The following PPP1R16B variants were observed in gnomAD, a reference collection of about 807,000 sequenced individuals.
PPP1R16B encodes the protein protein phosphatase 1 regulatory inhibitor subunit 16B.
A neutral mutation model predicts 61.7 loss-of-function variants in PPP1R16B; 14 were observed. That is an observed-to-expected ratio of 0.23 (90% CI 0.15 to 0.35). The LOEUF (loss-of-function observed/expected upper bound fraction) is 0.35, where lower values mean the gene tolerates loss of function less well. Among genes scored for constraint, PPP1R16B ranks in the 10% least tolerant of loss-of-function variants. PPP1R16B has a pLI of 1.00. For synonymous variants in PPP1R16B, 266 were observed against 305.3 expected, an observed-to-expected ratio of 0.87 and a Z score of 1.34; for missense variants, 547 against 752.5, an observed-to-expected ratio of 0.73 and a Z score of 3.19.
chr20:38,850,453 G>T (rs2084960856), intron 2 of PPP1R16B, among the ~76,000 whole-genome samples: 1 of 152,130 alleles, frequency 6.6e-6, no homozygotes. Flanking sequence ...TTCACCGGCA[G>T]TTTCTACTCC....
At chr20:38,885,144 A>T (rs987186884) in intron 2 of PPP1R16B, among the ~76,000 whole-genome samples, 1 of 151,750 alleles carries the variant, frequency 6.6e-6, no homozygotes, top group Non-Finnish European at 1.5e-5. Context: ...GCTTGAGGCC[A>T]AGAGTTTGAG....
intron 2 of PPP1R16B, among the ~76,000 whole-genome samples, chr20:38,871,903 AG>A (rs2145745459): frequency 6.6e-6 from 1 of 152,368 alleles, no homozygotes; most frequent in Non-Finnish European, 1.5e-5. Flanking sequence ...AAAGCAGGCA[AG>A]GAACAGGTGA....
chr20:38,867,798 G>A (rs1032466117), intron 2 of PPP1R16B, among the ~76,000 whole-genome samples: 11 of 151,888 alleles, frequency 7.2e-5, no homozygotes, highest in East Asian at 1.9e-4. Flanking sequence ...TCAGCCTCCC[G>A]AGTAGCTGGG....
intron 3 of PPP1R16B, among the ~76,000 whole-genome samples, chr20:38,894,247 TG>T (rs569626175): frequency 4.6e-5 from 7 of 151,816 alleles, no homozygotes; most frequent in Non-Finnish European, 1.0e-4. Context: ...GGGATAGGGG[TG>T]GGGCTGTGGT....
chr20:38,891,956 G>A (rs942195931), intron 3 of PPP1R16B, among the ~76,000 whole-genome samples: 2 of 151,878 alleles, frequency 1.3e-5, no homozygotes, highest in African/African-American at 2.4e-5. Context: ...CACAGCACTC[G>A]AAATGTGGCT....
intron 2 of PPP1R16B, among the ~76,000 whole-genome samples, chr20:38,858,374 C>CA (rs111371038): frequency 0.023 from 3,516 of 152,130 alleles, 135 homozygotes; most frequent in African/African-American, 0.081. Context: ...ACAAAGGCCT[C>CA]AAAAGCTCGA....
intron 2 of PPP1R16B, among the ~76,000 whole-genome samples, chr20:38,857,691 C>T (rs2085017569): frequency 6.6e-6 from 1 of 152,168 alleles, no homozygotes; most frequent in Non-Finnish European, 1.5e-5. Flanking sequence ...CTTAAAGCTC[C>T]ATTTTTGGCA....
chr20:38,846,450 T>C (rs967928010), intron 2 of PPP1R16B, among the ~76,000 whole-genome samples: 2 of 151,886 alleles, frequency 1.3e-5, no homozygotes, highest in Non-Finnish European at 2.9e-5. Flanking sequence ...ACTCAGAAGG[T>C]AGAAAGAAAA....
At chr20:38,895,095 G>A (rs1307812669) in intron 3 of PPP1R16B, among the ~76,000 whole-genome samples, 1 of 152,146 alleles carries the variant, frequency 6.6e-6, no homozygotes, top group Non-Finnish European at 1.5e-5. Context: ...CGCTTTGGAG[G>A]CCACTGCCAG....
rs558111123 is a variant in PPP1R16B at position 38,908,345 on chromosome 20, T to C, written c.1194+152T>C. On this transcript the variant is annotated intron_variant, in intron 10 of 10. Coordinates refer to ENST00000299824, the MANE Select transcript of PPP1R16B (RefSeq NM_015568.4). ...GCATATCCAGTCTGATGATGATGGC[T>C]ACTGTAGTTAAACCAGCAGATTCAG... 2.9e-5 allele frequency: 29 copies of C among 1,007,958 alleles called. No homozygotes were observed. The Middle Eastern group carries it at 1.3e-3, about 45-fold the overall frequency. The allele number at this position is 1,007,958 out of a possible 1,614,324, so 62.4% of individuals were successfully genotyped here.
Position 38,907,209 on chromosome 20 carries a change from G to A in PPP1R16B, c.898+155G>A, listed in dbSNP as rs546502187. Among the ~76,000 whole-genome samples, 16 of 152,210 alleles carry A rather than the reference G, an allele frequency of 1.1e-4. No individual in the cohort carries two copies. Among genetic ancestry groups the A allele is most frequent in the African/African-American group, 2.9e-4 (12 of 41,530 alleles). On this transcript the variant is annotated intron_variant, in intron 8 of 10. Transcript: ENST00000299824. This position sits in a 1 kb window ranked among gnomAD's most constrained non-coding sequence, Gnocchi z 4.5. ...ATTAATGGATGGTAGATGAATGGAC[G>A]GATGGACAGATTAATGGATAGATGG...
At position 38,919,713 on chromosome 20, in the gene PPP1R16B, G is replaced by A. The variant is rs991341794; in HGVS notation, c.*1047G>A. The A allele has an allele frequency of 7.2e-5, 11 of 152,156 alleles. No homozygotes were observed. Among genetic ancestry groups the A allele is most frequent in the African/African-American group, 2.2e-4 (9 of 41,446 alleles). 9.4% of individuals were successfully genotyped at this position (152,156 alleles called of 1,614,324 possible). ...GTTAATTTAAAAAAAACAGTCGCTA[G>A]TTAACAGCGACAGAGCCCAGCACCC... On this transcript the variant is annotated 3_prime_UTR_variant, in exon 11 of 11. Coordinates refer to ENST00000299824, the MANE Select transcript of PPP1R16B (RefSeq NM_015568.4).
intron 1 of PPP1R16B, among the ~76,000 whole-genome samples, chr20:38,823,389 C>T (rs998240075): frequency 2.6e-5 from 4 of 152,152 alleles, no homozygotes; most frequent in African/African-American, 9.7e-5. Context: ...ACCTGTAATC[C>T]CAGCACTTTG....
chr20:38,873,334 G>A (rs2085143024), intron 2 of PPP1R16B, among the ~76,000 whole-genome samples: 3 of 152,154 alleles, frequency 2.0e-5, no homozygotes, highest in African/African-American at 2.4e-5. Context: ...TTCGGTTCTC[G>A]TGGTGCCCAG....
At chr20:38,889,370 G>A (rs755102099) in intron 2 of PPP1R16B, among the ~76,000 whole-genome samples, 1 of 152,190 alleles carries the variant, frequency 6.6e-6, no homozygotes, top group Non-Finnish European at 1.5e-5. Context: ...CTGGCATCCG[G>A]GAAGTGCTAA....
At chr20:38,811,471 C>T (rs1156708087) in intron 1 of PPP1R16B, among the ~76,000 whole-genome samples, 3 of 152,178 alleles carry the variant, frequency 2.0e-5, no homozygotes, top group African/African-American at 7.2e-5. Context: ...TAGTAACTCA[C>T]AAACACAATT....
chr20:38,843,207 T>TA (rs1443274891), intron 2 of PPP1R16B, among the ~76,000 whole-genome samples: 2 of 152,276 alleles, frequency 1.3e-5, no homozygotes, highest in African/African-American at 4.8e-5. Flanking sequence ...ATTCATTCAT[T>TA]AAGTCAGAAT....
At chr20:38,843,357 C>G (rs539984512) in intron 2 of PPP1R16B, among the ~76,000 whole-genome samples, 2 of 152,216 alleles carry the variant, frequency 1.3e-5, no homozygotes, top group Admixed American at 6.5e-5. Flanking sequence ...GGGTGGTTCT[C>G]GTTCAGGATA....
chr20:38,837,475 T>C (rs2084879265), intron 2 of PPP1R16B, among the ~76,000 whole-genome samples: 1 of 151,978 alleles, frequency 6.6e-6, no homozygotes, highest in African/African-American at 2.4e-5. Flanking sequence ...AGTGAATGAG[T>C]AAATAAATAT....
Sources: allele counts gnomAD v4.1 joint callset (sites outside exome capture counted in the v4.1 genomes callset), GRCh38; gene constraint gnomAD v4.1.1; non-coding constraint Gnocchi (gnomAD v3.1); transcripts MANE v1.5; gene names NCBI Gene and HGNC (gene_info 2026-07-23, HGNC 2026-07-21).